Variants in NOS1AP observed in about 807,000 individuals in gnomAD.
NOS1AP encodes the protein carboxyl-terminal PDZ ligand of neuronal nitric oxide synthase protein.
In NOS1AP, 21 loss-of-function variants were observed where a neutral mutation model predicts 56.2. That is an observed-to-expected ratio of 0.37 (90% confidence interval 0.26 to 0.54). NOS1AP has a LOEUF of 0.54. NOS1AP is among the 20% of genes least tolerant of loss of function. The pLI is 0.84. For missense variants in NOS1AP, 522 were observed against 657.8 expected (o/e 0.79, Z 2.26); for synonymous variants, 270 against 274.6 (o/e 0.98, Z 0.17).
chr1:162,209,748 C>T (rs1203629734), intron 2 of NOS1AP, among the ~76,000 whole-genome samples: 1 of 152,040 alleles, frequency 6.6e-6, no homozygotes, highest in African/African-American at 2.4e-5. Flanking sequence ...TTTTGGAAAG[C>T]TCTCATGAAG....
intron 2 of NOS1AP, among the ~76,000 whole-genome samples, chr1:162,196,892 G>C (rs1041502582): frequency 6.6e-6 from 1 of 152,196 alleles, no homozygotes; most frequent in African/African-American, 2.4e-5. Flanking sequence ...GCCCCGCTAT[G>C]GTTTTTGTCC....
chr1:162,302,888 A>G (rs973055436), intron 4 of NOS1AP, among the ~76,000 whole-genome samples: 5 of 152,250 alleles, frequency 3.3e-5, no homozygotes, highest in Non-Finnish European at 7.4e-5. Context: ...CATTTTCTAG[A>G]ATTTTGTGTA....
chr1:162,201,741 A>G (rs1391150123), intron 2 of NOS1AP, among the ~76,000 whole-genome samples: 1 of 152,120 alleles, frequency 6.6e-6, no homozygotes, highest in Non-Finnish European at 1.5e-5. Flanking sequence ...TCCTGCATGT[A>G]TGTGTTCTTT....
rs1654235505 is a variant in NOS1AP at position 162,261,532 on chromosome 1, GAGAGAGA to G, written c.178-25811_178-25805del. On this transcript the variant is annotated intron_variant, in intron 2 of 9. Transcript: ENST00000361897. Reference sequence around the variant, plus strand: ...AGAGAGAGAGAGAGAGAGAGAGAGAGAGAGAGAGAGAGAGCAATGAAATGACTGGAAC... The same window carrying G: ...AGAGAGAGAGAGAGAGAGAGAGAGAGGAGAGAGCAATGAAATGACTGGAAC... 5.9e-4 allele frequency among the ~76,000 whole-genome samples: 5 copies of G among 8,434 alleles called. 2 individuals are homozygous for G. Among genetic ancestry groups the G allele is most frequent in the Non-Finnish European group, 1.7e-3 (3 of 1,720 alleles). 5.5% of individuals were successfully genotyped at this position (8,434 alleles called of 152,430 possible). A position where few individuals can be genotyped will look rare whatever the true frequency, so the allele number is the denominator to read the frequency against.
chr1:162,343,759 G>T (rs1416665666), intron 5 of NOS1AP, 76 bp from the exon 6 acceptor site: 1 of 1,544,968 alleles, frequency 6.5e-7, no homozygotes, highest in African/African-American at 1.4e-5. Context: ...TCTTTCTTTG[G>T]CTGCTTCATG....
At chr1:162,318,592 C>T (rs530598393) in intron 4 of NOS1AP, among the ~76,000 whole-genome samples, 24 of 152,114 alleles carry the variant, frequency 1.6e-4, no homozygotes, top group African/African-American at 4.8e-4. Context: ...CCTCCTATTA[C>T]GCCCTCCATT....
At chr1:162,323,902 G>A (rs961428158) in intron 4 of NOS1AP, among the ~76,000 whole-genome samples, 4 of 152,192 alleles carry the variant, frequency 2.6e-5, no homozygotes, top group Non-Finnish European at 5.9e-5. Flanking sequence ...ACAAGGAAGG[G>A]TGCGAACCTT....
chr1:162,346,398 G>C (rs576151705), intron 6 of NOS1AP, among the ~76,000 whole-genome samples: 1 of 152,196 alleles, frequency 6.6e-6, no homozygotes, highest in African/African-American at 2.4e-5. Context: ...CCATCTTCAA[G>C]ATATTTTGCT....
At chr1:162,177,833 T>C (rs1651117107) in intron 2 of NOS1AP, among the ~76,000 whole-genome samples, 1 of 152,220 alleles carries the variant, frequency 6.6e-6, no homozygotes, top group African/African-American at 2.4e-5. Flanking sequence ...CTGATGAACC[T>C]ACATTGACAC....
At chr1:162,205,603 A>G (rs1227391385) in intron 2 of NOS1AP, among the ~76,000 whole-genome samples, 2 of 152,228 alleles carry the variant, frequency 1.3e-5, no homozygotes, top group African/African-American at 4.8e-5. Context: ...TTCATCCAGA[A>G]TAATGTAATG....
intron 4 of NOS1AP, among the ~76,000 whole-genome samples, chr1:162,327,632 C>A (rs181978896): frequency 2.0e-5 from 3 of 152,096 alleles, no homozygotes; most frequent in Non-Finnish European, 4.4e-5. Flanking sequence ...ACAGCTGTTG[C>A]GCAAATTAGC....
At chr1:162,230,795 G>T (rs972695046) in intron 2 of NOS1AP, among the ~76,000 whole-genome samples, 7 of 152,100 alleles carry the variant, frequency 4.6e-5, no homozygotes, top group African/African-American at 1.7e-4. Flanking sequence ...TGTCCTCAAG[G>T]TTCATCTTTG....
chr1:162,269,337 G>A (rs945303398), intron 2 of NOS1AP, among the ~76,000 whole-genome samples: 1 of 152,034 alleles, frequency 6.6e-6, no homozygotes, highest in Non-Finnish European at 1.5e-5. Flanking sequence ...TTTATTCTTT[G>A]TAGTGACTGG....
At chr1:162,362,903 A>G in intron 8 of NOS1AP, 1 of 958,398 alleles carries the variant, frequency 1.0e-6, no homozygotes, top group Non-Finnish European at 1.2e-6. Context: ...TTACAATATT[A>G]TTGACATTTC....
chr1:162,259,147 G>C (rs4233390), intron 2 of NOS1AP, among the ~76,000 whole-genome samples: 145,737 of 152,282 alleles, frequency 0.96, 69,812 homozygotes, highest in East Asian at 1. Context: ...GCTTCTCTGC[G>C]ACCACCCCGC....
At chr1:162,220,548 A>G (rs374168174) in intron 2 of NOS1AP, among the ~76,000 whole-genome samples, 4 of 152,304 alleles carry the variant, frequency 2.6e-5, no homozygotes, top group African/African-American at 4.8e-5. Flanking sequence ...CCAAATTGCA[A>G]TCTGGACTTG....
At chr1:162,175,286 G>T (rs920132544) in intron 2 of NOS1AP, among the ~76,000 whole-genome samples, 1 of 152,164 alleles carries the variant, frequency 6.6e-6, no homozygotes, top group Non-Finnish European at 1.5e-5. Context: ...CTTTTGCATA[G>T]ATTTGTCTGT....
chr1:162,158,602 A>G (rs139362799), intron 2 of NOS1AP, among the ~76,000 whole-genome samples: 1 of 152,314 alleles, frequency 6.6e-6, no homozygotes, highest in East Asian at 1.9e-4. Flanking sequence ...TTGCATTACT[A>G]TCATATCTTC....
At chr1:162,263,578 G>A (rs1654307929) in intron 2 of NOS1AP, among the ~76,000 whole-genome samples, 1 of 152,078 alleles carries the variant, frequency 6.6e-6, no homozygotes, top group South Asian at 2.1e-4. Flanking sequence ...TCACAGAGAG[G>A]TGGATTCTCT....
Sources: gnomAD v4.1 joint callset for allele counts (sites outside exome capture counted in the v4.1 genomes callset) on GRCh38, gnomAD v4.1.1 for gene constraint, MANE v1.5 for transcripts, NCBI Gene and HGNC (gene_info 2026-07-23, HGNC 2026-07-21) for gene names.